The following IGSF21 variants were observed in gnomAD, a reference collection of about 807,000 sequenced individuals.
IGSF21 encodes immunoglobin superfamily member 21, also known as immunoglobulin superfamily member 21.
A neutral mutation model predicts 46.8 loss-of-function variants in IGSF21; 28 were observed. That is an observed-to-expected ratio of 0.60 (90% confidence interval 0.44 to 0.82). The LOEUF (loss-of-function observed/expected upper bound fraction) is 0.82, where lower values mean the gene tolerates loss of function less well. Among genes scored for constraint, IGSF21 ranks in the 40% least tolerant of loss-of-function variants. The pLI, the probability that IGSF21 is intolerant of heterozygous loss-of-function variation, is 0.00. For missense variants in IGSF21, 624 were observed against 665.5 expected, an observed-to-expected ratio of 0.94 and a Z score of 0.69; for synonymous variants, 284 against 273.6, an observed-to-expected ratio of 1.04 and a Z score of -0.38.
intron 4 of IGSF21, among the ~76,000 whole-genome samples, chr1:18,344,614 G>A (rs904760738): frequency 5.9e-5 from 9 of 152,100 alleles, no homozygotes; most frequent in African/African-American, 1.9e-4. Flanking sequence ...CAGGACAGCT[G>A]TGGGGGAAGT....
intron 3 of IGSF21, among the ~76,000 whole-genome samples, chr1:18,311,649 A>G (rs1472867688): frequency 6.6e-6 from 1 of 152,222 alleles, no homozygotes; most frequent in Non-Finnish European, 1.5e-5. Context: ...ATAAAGAAAA[A>G]GAGATTTAAT....
At chr1:18,326,305 T>C (rs2085657393) in intron 3 of IGSF21, among the ~76,000 whole-genome samples, 1 of 152,156 alleles carries the variant, frequency 6.6e-6, no homozygotes, top group Non-Finnish European at 1.5e-5. Context: ...CAGGGATGCA[T>C]GGCAGGCGCA....
At chr1:18,117,036 A>T (rs1171832107) in intron 1 of IGSF21, among the ~76,000 whole-genome samples, 2 of 152,180 alleles carry the variant, frequency 1.3e-5, no homozygotes, top group African/African-American at 4.8e-5. Flanking sequence ...ATTTGAGCCC[A>T]TGGGCTGAGG....
In IGSF21 at chr1:18,365,787, C is replaced by CA; in HGVS notation, c.1015+91dup. 1 of 1,109,318 alleles carries CA rather than the reference C, an allele frequency of 9.0e-7. No homozygotes were observed. The highest frequency in any genetic ancestry group is 2.6e-5 in the Admixed American group (1 of 38,378). 68.7% of individuals were successfully genotyped at this position (1,109,318 alleles called of 1,614,324 possible). ...ATAGGGTTCCTGGGCTGAGGACAGCCATGGAAAGGGGGAGGAGATGGAGCA... is the reference window on the plus strand; with the variant it reads ...ATAGGGTTCCTGGGCTGAGGACAGCCAATGGAAAGGGGGAGGAGATGGAGCA... On this transcript the variant is annotated intron_variant, in intron 6 of 9. Transcript: ENST00000251296. This position sits in a 1 kb window ranked among gnomAD's most constrained non-coding sequence, Gnocchi z 4.8.
chr1:18,189,382 G>A (rs913675201), intron 1 of IGSF21, among the ~76,000 whole-genome samples: 1 of 152,304 alleles, frequency 6.6e-6, no homozygotes, highest in East Asian at 1.9e-4. Context: ...CAACCTTTTT[G>A]GCACCAGGAA....
At chr1:18,129,578 G>C (rs947720804) in intron 1 of IGSF21, among the ~76,000 whole-genome samples, 1 of 152,212 alleles carries the variant, frequency 6.6e-6, no homozygotes, top group African/African-American at 2.4e-5. Context: ...GAAGGGGTCA[G>C]TGGGTGGAGG....
At chr1:18,243,451 G>C (rs2084753136) in intron 2 of IGSF21, among the ~76,000 whole-genome samples, 3 of 151,988 alleles carry the variant, frequency 2.0e-5, no homozygotes, top group Admixed American at 6.6e-5. Flanking sequence ...CCCATTCCTG[G>C]GCCTCCAAGC....
chr1:18,235,533 A>G (rs956419084), intron 2 of IGSF21, among the ~76,000 whole-genome samples: 4 of 152,244 alleles, frequency 2.6e-5, no homozygotes, highest in Non-Finnish European at 4.4e-5. Flanking sequence ...CAAGGGAAGA[A>G]GGCAGAATAA....
At chr1:18,189,596 G>C (rs1177044525) in intron 1 of IGSF21, among the ~76,000 whole-genome samples, 2 of 151,806 alleles carry the variant, frequency 1.3e-5, no homozygotes, top group Non-Finnish European at 2.9e-5. Flanking sequence ...GGCCCCACTG[G>C]GGGTGCTGGG....
intron 2 of IGSF21, among the ~76,000 whole-genome samples, chr1:18,254,786 G>T (rs895763073): frequency 6.6e-6 from 1 of 152,142 alleles, no homozygotes; most frequent in Non-Finnish European, 1.5e-5. Flanking sequence ...CAGAAACTTT[G>T]TCAATGCTTA....
intron 1 of IGSF21, among the ~76,000 whole-genome samples, chr1:18,183,494 G>A (rs2086875422): frequency 6.6e-6 from 1 of 152,234 alleles, no homozygotes; most frequent in South Asian, 2.1e-4. Context: ...ATGAGGAGGA[G>A]GTCAGAGGTG....
At position 18,108,072 on chromosome 1, in the gene IGSF21, C is replaced by T; in HGVS notation, c.-57C>T. 1.2e-6 allele frequency: 1 copy of T among 850,086 alleles called. No individual in the cohort carries two copies. The highest frequency in any genetic ancestry group is 2.1e-5 in the South Asian group (1 of 47,216). 52.7% of individuals were successfully genotyped at this position (850,086 alleles called of 1,614,324 possible). ...GCGTCTGAGCCCATGGCGAGGGGAC[C>T]CGCCGCCACCGCCTCCACCCCCGCC... On this transcript the variant is annotated 5_prime_UTR_variant, in exon 1 of 10. Transcript: ENST00000251296.
At chr1:18,128,792 G>C (rs201339770) in intron 1 of IGSF21, among the ~76,000 whole-genome samples, 3 of 51,846 alleles carry the variant, frequency 5.8e-5, no homozygotes, top group Admixed American at 5.2e-4. Flanking sequence ...CATTCGCTGT[G>C]TGTGTGTGTG....
chr1:18,334,839 C>T lies in IGSF21; in HGVS notation c.306-53C>T. On this transcript the variant is annotated intron_variant, in intron 3 of 9. Transcript: ENST00000251296. The surrounding 1 kb of genome is among the most constrained non-coding windows in gnomAD (Gnocchi z 4.3). ...TCAGGATGAGTTTCCTTGAACGCTG[C>T]CTCACCCAGCCCCACGATGAAGGGC... 2 of 1,355,016 alleles carry T rather than the reference C, an allele frequency of 1.5e-6. No individual in the cohort carries two copies. Among genetic ancestry groups the T allele is most frequent in the Non-Finnish European group, 1.1e-6 (1 of 946,394 alleles). The allele number at this position is 1,355,016 out of a possible 1,614,324, so 83.9% of individuals were successfully genotyped here.
At chr1:18,175,837 C>T (rs2086790194) in intron 1 of IGSF21, among the ~76,000 whole-genome samples, 1 of 152,218 alleles carries the variant, frequency 6.6e-6, no homozygotes, top group Non-Finnish European at 1.5e-5. Flanking sequence ...ATGCATGTGC[C>T]TGTTAATCAC....
In IGSF21 at chr1:18,277,183, C is replaced by T. The variant is rs552948390; in HGVS notation, c.184-14683C>T. Among the ~76,000 whole-genome samples the T allele has an allele frequency of 7.9e-5, 12 of 152,352 alleles. No homozygotes were observed. The South Asian group carries it at 1.9e-3, about 24-fold the overall frequency. On this transcript the variant is annotated intron_variant, in intron 2 of 9. Transcript: ENST00000251296. Reference sequence around the variant, plus strand: ...ACCCCTGCATCGTGCAGGACAAAGGCTGGGGTCACCCCAAGTTTGAGGCCC... The same window carrying T: ...ACCCCTGCATCGTGCAGGACAAAGGTTGGGGTCACCCCAAGTTTGAGGCCC...
In IGSF21 at chr1:18,248,046, T is replaced by A. The variant is rs142518453; in HGVS notation, c.183+20036T>A. Among the ~76,000 whole-genome samples the A allele has an allele frequency of 5.2e-3, 785 of 152,342 alleles. 2 individuals carry two copies. The highest frequency in any genetic ancestry group is 7.2e-3 in the Non-Finnish European group (488 of 68,038). ...GTTAAAAATTCCAGGGATTAAAGCATCTACACTGGCAAGGATAGAAGTGTC... is the reference window on the plus strand; with the variant it reads ...GTTAAAAATTCCAGGGATTAAAGCAACTACACTGGCAAGGATAGAAGTGTC... On this transcript the variant is annotated intron_variant, in intron 2 of 9. Coordinates refer to ENST00000251296, the MANE Select transcript of IGSF21 (RefSeq NM_032880.5).
Position 18,291,974 on chromosome 1 carries a change from C to A in IGSF21, c.292C>A (p.Gln98Lys). The change falls in exon 3 of 10, where the codon CAG becomes AAG. Residue 98 changes from glutamine to lysine, a missense_variant. Transcript: ENST00000251296. ...NYRKREDLVYQSTVRLPEVRI... is the reference protein window; with the variant it reads ...NYRKREDLVYKSTVRLPEVRI... Reference sequence around the variant, plus strand: ...CCGCAAGCGAGAGGACCTGGTGTACCAGTCCACTGTGAGGTGAGTGCCTGG... The same window carrying A: ...CCGCAAGCGAGAGGACCTGGTGTACAAGTCCACTGTGAGGTGAGTGCCTGG... The A allele has an allele frequency of 6.2e-7, 1 of 1,613,792 alleles. No individual in the cohort carries two copies. Among genetic ancestry groups the A allele is most frequent in the Non-Finnish European group, 8.5e-7 (1 of 1,179,922 alleles).
At chr1:18,340,995 TC>T (rs1557651722) in intron 4 of IGSF21, among the ~76,000 whole-genome samples, 58 of 133,680 alleles carry the variant, frequency 4.3e-4, no homozygotes, top group African/African-American at 1.5e-3. Context: ...CTTCTTCTTC[TC>T]CTCCTCCTCC....
Sources: allele counts gnomAD v4.1 joint callset (sites outside exome capture counted in the v4.1 genomes callset), GRCh38; gene constraint gnomAD v4.1.1; non-coding constraint Gnocchi (gnomAD v3.1); transcripts MANE v1.5; gene names NCBI Gene and HGNC (gene_info 2026-07-23, HGNC 2026-07-21).